The following RBFOX1 variants were observed in gnomAD, a reference collection of about 807,000 sequenced individuals.
RBFOX1 encodes the protein RNA binding protein fox-1 homolog 1.
A neutral mutation model predicts 57.7 loss-of-function variants in RBFOX1; 8 were observed. That is an observed-to-expected ratio of 0.14 (90% CI 0.08 to 0.25). The LOEUF (loss-of-function observed/expected upper bound fraction) is 0.25. RBFOX1 is among the 10% of genes least tolerant of loss of function. The pLI is 1.00. For missense variants in RBFOX1, 611 were observed against 548.5 expected (o/e 1.11, Z -1.14); for synonymous variants, 326 against 222.4 (o/e 1.47, Z -4.15).
intron 4 of RBFOX1, among the ~76,000 whole-genome samples, chr16:7,350,239 A>T (rs1488917685): frequency 6.6e-6 from 1 of 152,172 alleles, no homozygotes; most frequent in Non-Finnish European, 1.5e-5. Context: ...CTGATTGACA[A>T]GTAGGTGCCA....
Position 5,556,356 on chromosome 16 carries a change from T to G in RBFOX1, c.259-42546T>G, listed in dbSNP as rs113809803. Among the ~76,000 whole-genome samples the G allele has an allele frequency of 6.0e-3, 915 of 152,340 alleles. 7 individuals are homozygous for G. Among genetic ancestry groups the G allele is most frequent in the South Asian group, 0.029 (140 of 4,830 alleles). ...GGCCTTGCCTACCCTCCCCGGCAGC[T>G]GCTGAAATTGAGCTGTGAGCCGAGG... On this transcript the variant is annotated intron_variant, in intron 2 of 2. Coordinates refer to the RBFOX1 transcript ENST00000585867.
Position 6,965,839 on chromosome 16 carries a change from G to A in RBFOX1, c.-15-86218G>A, listed in dbSNP as rs182850353. Among the ~76,000 whole-genome samples, 43 of 152,090 alleles carry A rather than the reference G, an allele frequency of 2.8e-4. 1 individual carries two copies. Among genetic ancestry groups the A allele is most frequent in the African/African-American group, 8.2e-4 (34 of 41,456 alleles). On this transcript the variant is annotated intron_variant, in intron 3 of 15. Coordinates refer to ENST00000550418, the MANE Select transcript of RBFOX1 (RefSeq NM_018723.4). ...AATCTGTACTGAAATAGGTGCTGTC[G>A]CATCCATGGGGATAAGGAAACTGAG...
intron 2 of RBFOX1, among the ~76,000 whole-genome samples, chr16:6,342,149 G>C (rs796409737): frequency 1.2e-4 from 18 of 152,268 alleles, no homozygotes; most frequent in African/African-American, 3.9e-4. Flanking sequence ...GGGAGTGATG[G>C]TGGTCAATTT....
chr16:7,493,022 G>T (rs2067434699), intron 4 of RBFOX1, among the ~76,000 whole-genome samples: 1 of 152,132 alleles, frequency 6.6e-6, no homozygotes, highest in South Asian at 2.1e-4. Context: ...GGGATTACAG[G>T]TGCCTGCCAC....
chr16:7,678,226 A>G (rs1262369765), intron 14 of RBFOX1, among the ~76,000 whole-genome samples: 1 of 152,212 alleles, frequency 6.6e-6, no homozygotes, highest in Non-Finnish European at 1.5e-5. Context: ...TACATAAATT[A>G]TACATTTACC....
chr16:7,149,549 A>G (rs964861559), intron 4 of RBFOX1, among the ~76,000 whole-genome samples: 1 of 143,352 alleles, frequency 7.0e-6, no homozygotes, highest in African/African-American at 2.7e-5. Flanking sequence ...ACAGTGGTGC[A>G]ATCTCAGCTC....
chr16:6,193,392 CTATATATATATATATA>C (rs55707901), intron 1 of RBFOX1, among the ~76,000 whole-genome samples: 8 of 43,218 alleles, frequency 1.9e-4, no homozygotes, highest in East Asian at 6.7e-4. Context: ...TATATATATA[CTATATATATATATATA>C]TATATATATA....
At chr16:5,986,148 C>T (rs1050238172) in intron 4 of RBFOX1, among the ~76,000 whole-genome samples, 5 of 151,382 alleles carry the variant, frequency 3.3e-5, no homozygotes, top group African/African-American at 1.2e-4. Context: ...CTTGCAACCT[C>T]TGCCTCCCAG....
chr16:7,029,619 C>T (rs1315482044), intron 3 of RBFOX1, among the ~76,000 whole-genome samples: 1 of 151,858 alleles, frequency 6.6e-6, no homozygotes, highest in Non-Finnish European at 1.5e-5. Context: ...CAATTTGTGG[C>T]AAAAAGCAGA....
chr16:7,654,373 C>G (rs1435657425), intron 12 of RBFOX1, among the ~76,000 whole-genome samples: 1 of 152,084 alleles, frequency 6.6e-6, no homozygotes, highest in Non-Finnish European at 1.5e-5. Flanking sequence ...TGCTCGCCTC[C>G]CCAGGGATAT....
intron 4 of RBFOX1, among the ~76,000 whole-genome samples, chr16:7,511,017 T>C (rs1191958318): frequency 6.6e-6 from 1 of 152,156 alleles, no homozygotes; most frequent in Non-Finnish European, 1.5e-5. Flanking sequence ...CTCAAGAAGT[T>C]TGACTATAAA....
At chr16:5,640,747 C>G (rs1218510414) in intron 3 of RBFOX1, among the ~76,000 whole-genome samples, 1 of 151,032 alleles carries the variant, frequency 6.6e-6, no homozygotes, top group Non-Finnish European at 1.5e-5. Context: ...CACATACACA[C>G]ATGTACACCA....
intron 3 of RBFOX1, among the ~76,000 whole-genome samples, chr16:6,814,045 C>T (rs1437214471): frequency 1.4e-5 from 2 of 144,172 alleles, no homozygotes; most frequent in African/African-American, 2.5e-5. Flanking sequence ...TCAAACATAA[C>T]AACTTGTCCT....
chr16:5,483,546 C>T (rs1276681292), intron 2 of RBFOX1, among the ~76,000 whole-genome samples: 1 of 152,194 alleles, frequency 6.6e-6, no homozygotes, highest in African/African-American at 2.4e-5. Context: ...TCCTGTCTAT[C>T]CCAGCCACCG....
chr16:6,347,566 T>G lies in RBFOX1; in HGVS notation c.-64+30509T>G, dbSNP rs186081396. Among the ~76,000 whole-genome samples the G allele has an allele frequency of 1.7e-3, 255 of 152,326 alleles. 1 individual carries two copies. Among genetic ancestry groups the G allele is most frequent in the African/African-American group, 5.9e-3 (245 of 41,586 alleles). ...GGGAGTAACTGAGAGAGGCTTTGCA[T>G]CTTGCATATGCATAGATGCTAGCTG... is the stretch of plus-strand genomic sequence containing the variant. On this transcript the variant is annotated intron_variant, in intron 2 of 15. Coordinates refer to ENST00000550418, the MANE Select transcript of RBFOX1 (RefSeq NM_018723.4).
intron 3 of RBFOX1, among the ~76,000 whole-genome samples, chr16:5,724,667 T>C (rs752920342): frequency 3.9e-5 from 6 of 151,986 alleles, no homozygotes; most frequent in Non-Finnish European, 5.9e-5. Flanking sequence ...ATAGAGATGG[T>C]TTTTCTTCAC....
At position 5,627,074 on chromosome 16, in the gene RBFOX1, C is replaced by A. The variant is rs116052443; in HGVS notation, c.318+28113C>A. Among the ~76,000 whole-genome samples the A allele has an allele frequency of 4.4e-3, 677 of 152,262 alleles. 5 individuals carry two copies. The highest frequency in any genetic ancestry group is 0.014 in the African/African-American group (588 of 41,546). ...ATCCCGGCTTTGCAGTTGCTGCTTT[C>A]CTCAGAAGTATTTAAGCCCTCAAAT... On this transcript the variant is annotated intron_variant, in intron 3 of 19. Transcript: ENST00000641259.
intron 4 of RBFOX1, among the ~76,000 whole-genome samples, chr16:5,899,126 C>G (rs1018104533): frequency 2.7e-5 from 3 of 112,576 alleles, no homozygotes; most frequent in African/African-American, 1.1e-4. Context: ...GCCCAGGAAA[C>G]AGAGCGAGAC....
chr16:7,196,468 A>G (rs992015597), intron 4 of RBFOX1, among the ~76,000 whole-genome samples: 6 of 152,182 alleles, frequency 3.9e-5, no homozygotes, highest in African/African-American at 1.2e-4. Flanking sequence ...GTAGGTACCC[A>G]AAGGTCCAAT....
Sources: allele counts gnomAD v4.1 joint callset (sites outside exome capture counted in the v4.1 genomes callset), GRCh38; gene constraint gnomAD v4.1.1; transcripts MANE v1.5; gene names NCBI Gene and HGNC (gene_info 2026-07-23, HGNC 2026-07-21).